Variants in ASTN2 observed in about 807,000 individuals in gnomAD.
ASTN2 encodes the protein astrotactin-2.
In ASTN2, 54 loss-of-function variants were observed where a neutral mutation model predicts 139.8. The ratio of observed to expected loss-of-function variants is 0.39; its 90% CI spans 0.31 to 0.48. ASTN2 has a LOEUF of 0.48. Among genes scored for constraint, ASTN2 ranks in the 20% least tolerant of loss-of-function variants. ASTN2 has a pLI of 0.95. For missense variants in ASTN2, 1,565 were observed against 1,725.1 expected (o/e 0.91, Z 1.64); for synonymous variants, 756 against 719.5 (o/e 1.05, Z -0.81).
At chr9:116,947,538 T>C (rs754905934) in intron 10 of ASTN2, among the ~76,000 whole-genome samples, 11 of 152,226 alleles carry the variant, frequency 7.2e-5, no homozygotes, top group Non-Finnish European at 1.6e-4. Flanking sequence ...GTTACATGCA[T>C]CTTTTTCTTA....
chr9:117,307,434 T>C (rs558703603), intron 1 of ASTN2, among the ~76,000 whole-genome samples: 4 of 152,318 alleles, frequency 2.6e-5, no homozygotes, highest in Admixed American at 2.0e-4. Context: ...TGTGTGCACA[T>C]TGATGCATTC....
intron 2 of ASTN2, among the ~76,000 whole-genome samples, chr9:117,223,894 T>C (rs1240611248): frequency 1.3e-5 from 2 of 152,178 alleles, no homozygotes; most frequent in East Asian, 3.9e-4. Flanking sequence ...AAATAAATCA[T>C]CTACTTACCA....
chr9:117,060,886 G>T (rs1221179217), intron 5 of ASTN2, among the ~76,000 whole-genome samples: 1 of 151,816 alleles, frequency 6.6e-6, no homozygotes, highest in East Asian at 1.9e-4. Context: ...CAGAGCGAGA[G>T]TCCGTCAAAA....
intron 19 of ASTN2, among the ~76,000 whole-genome samples, chr9:116,554,464 T>C (rs1435389109): frequency 6.6e-6 from 1 of 152,218 alleles, no homozygotes; most frequent in Non-Finnish European, 1.5e-5. Context: ...TTTACGAAAG[T>C]GTGGAACACA....
intron 19 of ASTN2, among the ~76,000 whole-genome samples, chr9:116,507,660 A>G (rs920637276): frequency 3.9e-5 from 6 of 151,966 alleles, no homozygotes; most frequent in Non-Finnish European, 7.4e-5. Flanking sequence ...CCCAGTCCAG[A>G]TTCACTCCTC....
At chr9:116,716,154 G>T (rs541830536) in intron 16 of ASTN2, among the ~76,000 whole-genome samples, 1 of 152,280 alleles carries the variant, frequency 6.6e-6, no homozygotes, top group East Asian at 1.9e-4. Context: ...CTGTGACTGT[G>T]ACAGGGGAAT....
chr9:116,712,177 T>C lies in ASTN2; in HGVS notation c.2806+13594A>G, dbSNP rs1828181727. On this transcript the variant is annotated intron_variant, in intron 16 of 22. Coordinates refer to ENST00000313400, the MANE Select transcript of ASTN2 (RefSeq NM_001365068.1). ...TTCTTTTTTCTTATCTCAGGGACAT[T>C]TTTGTACATGCTTTTCTTGCATCTT... 4.6e-5 allele frequency among the ~76,000 whole-genome samples: 7 copies of C among 152,146 alleles called. No individual in the cohort carries two copies. In the South Asian group the frequency reaches 1.5e-3, roughly 32 times the overall value.
At chr9:117,214,904 C>T (rs1373732782) in intron 2 of ASTN2, among the ~76,000 whole-genome samples, 162 bp from the exon 3 acceptor site, 2 of 152,216 alleles carry the variant, frequency 1.3e-5, no homozygotes, top group African/African-American at 2.4e-5. Context: ...GACATTGTTT[C>T]AAACCTGGCT....
In ASTN2 at chr9:116,548,971, G is replaced by C. The variant is rs866405586; in HGVS notation, c.3356-61471C>G. Among the ~76,000 whole-genome samples the C allele has an allele frequency of 4.6e-5, 7 of 152,266 alleles. No homozygotes were observed. The Middle Eastern group carries it at 0.017, about 370-fold the overall frequency. ...TTTTGCATTTAAGGATTCTATCAAA[G>C]AGATAAAGGAGTAAGAAACAGAGAC... On this transcript the variant is annotated intron_variant, in intron 19 of 22. Transcript: ENST00000313400.
chr9:117,271,352 C>A (rs1159451624), intron 2 of ASTN2, among the ~76,000 whole-genome samples: 1 of 152,220 alleles, frequency 6.6e-6, no homozygotes, highest in African/African-American at 2.4e-5. Flanking sequence ...TCGATTACCT[C>A]CCCTTGGGTG....
chr9:116,938,731 T>C (rs1490069939), intron 10 of ASTN2, among the ~76,000 whole-genome samples: 1 of 152,204 alleles, frequency 6.6e-6, no homozygotes, highest in African/African-American at 2.4e-5. Flanking sequence ...CACAATATTG[T>C]TTTCTTCAGA....
At chr9:117,384,908 G>A (rs1417157395) in intron 1 of ASTN2, among the ~76,000 whole-genome samples, 1 of 152,126 alleles carries the variant, frequency 6.6e-6, no homozygotes, top group Admixed American at 6.5e-5. Flanking sequence ...TGATCAGATG[G>A]ATAAATGGAT....
At chr9:116,632,205 AAAAGAAAG>A (rs1554723306) in intron 17 of ASTN2, among the ~76,000 whole-genome samples, 9 of 45,302 alleles carry the variant, frequency 2.0e-4, no homozygotes, top group Non-Finnish European at 3.1e-4. Flanking sequence ...AGAAAGAAAG[AAAAGAAAG>A]AAAGAAAGAA....
At chr9:116,756,770 AACACACACACACACAC>A (rs111716372) in intron 13 of ASTN2, among the ~76,000 whole-genome samples, 1 of 148,018 alleles carries the variant, frequency 6.8e-6, no homozygotes, top group Non-Finnish European at 1.5e-5. Flanking sequence ...CTCCGAATAA[AACACACACACACACAC>A]ACACACACAC....
rs1588022037 is a variant in ASTN2, at chr9:117,409,693, TGGTATGGGCA to T, written c.442+4794_442+4803del. 4.6e-5 allele frequency among the ~76,000 whole-genome samples: 7 copies of T among 152,350 alleles called. No individual in the cohort carries two copies. In the East Asian group the frequency reaches 1.3e-3, roughly 29 times the overall value. On this transcript the variant is annotated intron_variant, in intron 1 of 22. Transcript: ENST00000313400. ...CCCTGCCACACAGGCTGGAGTGCTG[TGGTATGGGCA>T]CAGCTCACTGAAGCCTCAAACTCCT...
chr9:116,602,882 A>G (rs1363497538), intron 19 of ASTN2, among the ~76,000 whole-genome samples: 1 of 151,944 alleles, frequency 6.6e-6, no homozygotes, highest in African/African-American at 2.4e-5. Flanking sequence ...GTAAGCCGAG[A>G]TCACACCAGT....
At chr9:116,430,457 A>G (rs1408844087) in intron 22 of ASTN2, among the ~76,000 whole-genome samples, 46 of 152,210 alleles carry the variant, frequency 3.0e-4, no homozygotes, top group Admixed American at 3.0e-3. Flanking sequence ...TGTAGCATCC[A>G]TAAAATGTGA....
At chr9:117,143,198 G>A (rs1312367266) in intron 3 of ASTN2, among the ~76,000 whole-genome samples, 2 of 152,172 alleles carry the variant, frequency 1.3e-5, no homozygotes, top group Non-Finnish European at 2.9e-5. Flanking sequence ...TGAATCATGT[G>A]GTGGCATTGG....
At chr9:117,209,087 C>A (rs895717176) in intron 3 of ASTN2, among the ~76,000 whole-genome samples, 2 of 152,016 alleles carry the variant, frequency 1.3e-5, no homozygotes, top group Non-Finnish European at 2.9e-5. Flanking sequence ...GGAATCAAAC[C>A]TTATCACTAC....
Sources: gnomAD v4.1 joint callset for allele counts (sites outside exome capture counted in the v4.1 genomes callset) on GRCh38, gnomAD v4.1.1 for gene constraint, MANE v1.5 for transcripts, NCBI Gene and HGNC (gene_info 2026-07-23, HGNC 2026-07-21) for gene names.